TRIO: variants seen among roughly 807,000 people sequenced by gnomAD.
TRIO encodes triple functional domain protein.
TRIO carries 58 observed loss-of-function variants against 351.9 expected under a neutral mutation model. The observed-to-expected ratio is 0.16, with a 90% confidence interval of 0.13 to 0.21. The LOEUF (loss-of-function observed/expected upper bound fraction) is 0.21. TRIO is among the 10% of genes least tolerant of loss of function. The pLI is 1.00. For synonymous variants in TRIO, 1,758 were observed against 1,595.7 expected, an observed-to-expected ratio of 1.10 and a Z score of -2.42; for missense variants, 3,201 against 4,027.8, an observed-to-expected ratio of 0.79 and a Z score of 5.56.
chr5:14,417,831 T>C (rs1027945808), intron 33 of TRIO, among the ~76,000 whole-genome samples: 1 of 152,236 alleles, frequency 6.6e-6, no homozygotes, highest in Non-Finnish European at 1.5e-5. Flanking sequence ...TCTTTTCTTT[T>C]TCATTTCACA....
chr5:14,339,426 G>C (rs1196722870), intron 11 of TRIO, among the ~76,000 whole-genome samples: 2 of 152,194 alleles, frequency 1.3e-5, no homozygotes, highest in Non-Finnish European at 2.9e-5. Flanking sequence ...TTACACAATA[G>C]GAATTTCTAG....
intron 11 of TRIO, among the ~76,000 whole-genome samples, chr5:14,344,190 C>T (rs1019525697): frequency 1.3e-5 from 2 of 152,190 alleles, no homozygotes; most frequent in Non-Finnish European, 2.9e-5. Flanking sequence ...CTAGAACTGT[C>T]GACTGCATCA....
At chr5:14,406,486 T>C in intron 32 of TRIO, 87 bp from the exon 33 acceptor site, 1 of 1,288,644 alleles carries the variant, frequency 7.8e-7, no homozygotes, top group African/African-American at 1.5e-5. Context: ...CGAAGGCTGA[T>C]ATGCACCTCA....
chr5:14,286,591 G>T lies in TRIO; in HGVS notation c.348-280G>T, dbSNP rs866475884. ...GTCAGGAGAAATGGGCATGGTGACCGTTGTTTTCCTGAAAAGAAGACGGGA... is the reference window on the plus strand; with the variant it reads ...GTCAGGAGAAATGGGCATGGTGACCTTTGTTTTCCTGAAAAGAAGACGGGA... On this transcript the variant is annotated intron_variant, in intron 3 of 56. Coordinates refer to ENST00000344204, the MANE Select transcript of TRIO (RefSeq NM_007118.4). This position sits in a 1 kb window ranked among gnomAD's most constrained non-coding sequence, Gnocchi z 4.4. Among the ~76,000 whole-genome samples the T allele has an allele frequency of 3.9e-5, 6 of 152,176 alleles. No individual in the cohort carries two copies. Among genetic ancestry groups the T allele is most frequent in the African/African-American group, 1.4e-4 (6 of 41,436 alleles).
intron 36 of TRIO, 23 bp from the exon 37 acceptor site, chr5:14,465,521 TC>T: frequency 6.3e-7 from 1 of 1,588,676 alleles, no homozygotes; most frequent in Non-Finnish European, 8.6e-7. Context: ...CCCCACCCCC[TC>T]CTTTTCTTAA....
Position 14,390,887 on chromosome 5 carries a change from T to G in TRIO, c.4129-14T>G, listed in dbSNP as rs1191363131. ...TTATGATTTAAATGAGATCTTTTTTTTTTTGGCTTACAGGCAGACAAGTTT... is the reference window on the plus strand; with the variant it reads ...TTATGATTTAAATGAGATCTTTTTTGTTTTGGCTTACAGGCAGACAAGTTT... On this transcript the variant is annotated splice_polypyrimidine_tract_variant and intron_variant, in intron 26 of 56. Transcript: ENST00000344204. 1 of 1,587,614 alleles carries G rather than the reference T, an allele frequency of 6.3e-7. No homozygotes were observed. The highest frequency in any genetic ancestry group is 8.5e-7 in the Non-Finnish European group (1 of 1,171,970).
At chr5:14,250,205 T>A (rs1794658897) in intron 1 of TRIO, among the ~76,000 whole-genome samples, 3 of 152,210 alleles carry the variant, frequency 2.0e-5, no homozygotes, top group Non-Finnish European at 4.4e-5. Context: ...AAGGAGATGA[T>A]GTAATCCCTT....
chr5:14,382,855 CTG>C (rs34448636), intron 21 of TRIO, among the ~76,000 whole-genome samples: 2 of 144,462 alleles, frequency 1.4e-5, no homozygotes, highest in Non-Finnish European at 3.0e-5. Flanking sequence ...GTGTGTGTGT[CTG>C]TGTGTGTGTG....
chr5:14,328,491 C>T (rs1050103311), intron 9 of TRIO, among the ~76,000 whole-genome samples: 16 of 152,308 alleles, frequency 1.1e-4, no homozygotes, highest in East Asian at 5.8e-4. Context: ...GCTCAATACA[C>T]GAGTTAAAAT....
chr5:14,501,559 G>T (rs1757302840), intron 53 of TRIO, among the ~76,000 whole-genome samples: 1 of 152,242 alleles, frequency 6.6e-6, no homozygotes, highest in East Asian at 1.9e-4. Context: ...TGCTATGTGA[G>T]GAGATGATTT....
chr5:14,194,943 C>CT (rs900714171), intron 1 of TRIO, among the ~76,000 whole-genome samples: 4 of 151,478 alleles, frequency 2.6e-5, no homozygotes, highest in East Asian at 1.9e-4. Context: ...CCTAGATAAA[C>CT]TTTTTTTTTC....
chr5:14,178,790 G>T (rs1055739121), intron 1 of TRIO, among the ~76,000 whole-genome samples: 2 of 152,196 alleles, frequency 1.3e-5, no homozygotes, highest in Non-Finnish European at 2.9e-5. Flanking sequence ...TGGACAGTTG[G>T]CCAAGGAGAG....
intron 23 of TRIO, among the ~76,000 whole-genome samples, chr5:14,388,350 CA>C (rs1163132291): frequency 6.6e-6 from 1 of 152,182 alleles, no homozygotes; most frequent in Non-Finnish European, 1.5e-5. Context: ...AGCCCCACAG[CA>C]GAGTTACCTG....
At chr5:14,248,462 A>G (rs190785653) in intron 1 of TRIO, among the ~76,000 whole-genome samples, 1 of 152,220 alleles carries the variant, frequency 6.6e-6, no homozygotes, top group South Asian at 2.1e-4. Context: ...CGTTACTTGA[A>G]TGGTTAATTT....
At chr5:14,178,974 A>G (rs1370682313) in intron 1 of TRIO, among the ~76,000 whole-genome samples, 2 of 152,182 alleles carry the variant, frequency 1.3e-5, no homozygotes, top group Non-Finnish European at 2.9e-5. Flanking sequence ...GTCAGCCCCC[A>G]GGACCTGGCT....
chr5:14,290,215 GT>G (rs1258523287), intron 4 of TRIO, among the ~76,000 whole-genome samples: 29 of 152,322 alleles, frequency 1.9e-4, no homozygotes, highest in African/African-American at 6.7e-4. Flanking sequence ...TTAGAGTGAT[GT>G]TACACTTAAA....
In TRIO at chr5:14,291,012, A is replaced by G. The variant is rs1408121383; in HGVS notation, c.837A>G (p.Gly279=). Residue 279 remains glycine, a synonymous_variant, in exon 5 of 57, where the codon GGA becomes GGG. Transcript: ENST00000344204. ...CCATCGAGGACCTGGATTTGGAGGG[A>G]CAGAAGCTGCTTCAGAGGATACAGA... is the stretch of plus-strand genomic sequence containing the variant. ...KAPIEDLDLE[G]QKLLQRIQSS... is the part of the protein sequence containing the mutation. 6.2e-7 allele frequency: 1 copy of G among 1,614,058 alleles called. No homozygotes were observed. Among genetic ancestry groups the G allele is most frequent in the Non-Finnish European group, 8.5e-7 (1 of 1,180,048 alleles).
At chr5:14,242,185 G>A (rs1294995251) in intron 1 of TRIO, among the ~76,000 whole-genome samples, 6 of 152,252 alleles carry the variant, frequency 3.9e-5, no homozygotes, top group African/African-American at 1.4e-4. Context: ...GGGAGGCCTT[G>A]CTTCTGTGCT....
intron 34 of TRIO, among the ~76,000 whole-genome samples, chr5:14,442,168 G>T (rs1287629564): frequency 6.6e-6 from 1 of 152,218 alleles, no homozygotes; most frequent in Non-Finnish European, 1.5e-5. Flanking sequence ...ATGCCAGCAG[G>T]AATGCTCTCT....
Sources: allele counts gnomAD v4.1 joint callset (sites outside exome capture counted in the v4.1 genomes callset), GRCh38; gene constraint gnomAD v4.1.1; non-coding constraint Gnocchi (gnomAD v3.1); transcripts MANE v1.5; gene names NCBI Gene and HGNC (gene_info 2026-07-23, HGNC 2026-07-21).